The following MCEE variants were observed in gnomAD, a reference collection of about 807,000 sequenced individuals.
MCEE encodes the protein methylmalonyl-CoA epimerase.
A neutral mutation model predicts 12.9 loss-of-function variants in MCEE; 6 were observed. That is an observed-to-expected ratio of 0.47 (90% CI 0.26 to 0.92). MCEE has a LOEUF of 0.92. MCEE is among the 40% of genes least tolerant of loss of function. The pLI is 0.16. For missense variants in MCEE, 214 were observed against 212.1 expected (o/e 1.01, Z -0.05); for synonymous variants, 78 against 77.9 (o/e 1.00, Z -0.01).
At chr2:71,127,197 C>A (rs1360142130) in intron 1 of MCEE, among the ~76,000 whole-genome samples, 4 of 152,206 alleles carry the variant, frequency 2.6e-5, no homozygotes, top group Non-Finnish European at 2.9e-5. Context: ...AGTAAAAGAT[C>A]AAAATCGGAT....
At chr2:71,130,149 A>C in intron 1 of MCEE, 31 bp downstream of exon 1, 1 of 1,603,878 alleles carries the variant, frequency 6.2e-7, no homozygotes, top group South Asian at 1.1e-5. Context: ...TCCCTGTCCC[A>C]TGGCGAAGGT....
rs749875300 is a variant in MCEE, at chr2:71,124,181, C to A, written c.378+25G>T. The A allele has an allele frequency of 3.1e-5, 47 of 1,527,036 alleles. No individual in the cohort carries two copies. In the Middle Eastern group the frequency reaches 1.0e-3, roughly 33 times the overall value. The allele number at this position is 1,527,036 out of a possible 1,614,324, so 94.6% of individuals were successfully genotyped here. A position where few individuals can be genotyped will look rare whatever the true frequency, so the allele number is the denominator to read the frequency against. ...TTTTTTAAAAGAGAGATTTAAAATA[C>A]CAGGCATTAAAATAATTAAAATACC... On this transcript the variant is annotated intron_variant, in intron 2 of 2. Coordinates refer to ENST00000244217, the MANE Select transcript of MCEE (RefSeq NM_032601.4).
chr2:71,125,211 A>ATATATATATATATATATATATTTTTTT, intron 1 of MCEE, among the ~76,000 whole-genome samples: 2 of 48,592 alleles, frequency 4.1e-5, no homozygotes, highest in African/African-American at 6.0e-5. Context: ...ATATATATAT[A>ATATATATATATATATATATATTTTTTT]TTTTTTTTTT....
rs115421946 is a variant in MCEE at position 71,121,897 on chromosome 2, T to C, written c.378+2309A>G. On this transcript the variant is annotated intron_variant, in intron 2 of 2. Transcript: ENST00000244217. ...CAAATTTAAAACTCAGTTAATATAA[T>C]GAAGGCAACTGGCATCATGGGTAAG... Among the ~76,000 whole-genome samples the C allele has an allele frequency of 5.1e-3, 779 of 152,300 alleles. 4 individuals are homozygous for C. The highest frequency in any genetic ancestry group is 0.018 in the African/African-American group (752 of 41,548).
intron 2 of MCEE, among the ~76,000 whole-genome samples, chr2:71,112,517 C>G (rs1003080672): frequency 1.4e-5 from 2 of 144,468 alleles, no homozygotes; most frequent in Admixed American, 7.3e-5. Context: ...CTTACTGCAG[C>G]CTCTGCCTCC....
Position 71,130,224 on chromosome 2 carries a change from G to A in MCEE, c.-5C>T. On this transcript the variant is annotated 5_prime_UTR_variant, in exon 1 of 3. Transcript: ENST00000244217. ...AGCCTTCAGCACCCGCGCCATTTTG[G>A]AAAGCAACCCGCCACGTCAAGACTA... The A allele has an allele frequency of 1.2e-6, 2 of 1,606,994 alleles. No individual in the cohort carries two copies. Among genetic ancestry groups the A allele is most frequent in the Non-Finnish European group, 1.7e-6 (2 of 1,177,470 alleles).
Position 71,115,596 on chromosome 2 carries a change from T to C in MCEE, c.379-5474A>G, listed in dbSNP as rs900806483. Among the ~76,000 whole-genome samples the C allele has an allele frequency of 2.7e-5, 4 of 150,424 alleles. 1 individual carries two copies. The highest frequency in any genetic ancestry group is 1.0e-4 in the African/African-American group (4 of 39,788). ...AATTAAAATGTCTTAATTTTCTGAA[T>C]TGAAAGTAGATGCAATAGTTGTAAG... On this transcript the variant is annotated intron_variant, in intron 2 of 2. Transcript: ENST00000244217.
chr2:71,111,846 C>T (rs1404488479), intron 2 of MCEE, among the ~76,000 whole-genome samples: 1 of 152,164 alleles, frequency 6.6e-6, no homozygotes, highest in African/African-American at 2.4e-5. Flanking sequence ...TAGGGCTCAT[C>T]TTGTTTGTTT....
At chr2:71,113,999 A>G (rs1672943026) in intron 2 of MCEE, among the ~76,000 whole-genome samples, 1 of 152,194 alleles carries the variant, frequency 6.6e-6, no homozygotes, top group Non-Finnish European at 1.5e-5. Context: ...ATCTCAACTG[A>G]GGGACAGTTT....
intron 2 of MCEE, among the ~76,000 whole-genome samples, chr2:71,112,382 G>A (rs532300111): frequency 4.2e-5 from 6 of 144,210 alleles, no homozygotes; most frequent in South Asian, 2.2e-4. Context: ...TGATGTGCCC[G>A]CCTCTGACTC....
intron 2 of MCEE, among the ~76,000 whole-genome samples, chr2:71,119,328 T>C (rs892236627): frequency 2.7e-5 from 4 of 150,088 alleles, no homozygotes; most frequent in Non-Finnish European, 4.4e-5. Context: ...TACTGAAAAC[T>C]GTAGGCAAGT....
At chr2:71,128,834 C>T (rs1673297545) in intron 1 of MCEE, among the ~76,000 whole-genome samples, 2 of 151,212 alleles carry the variant, frequency 1.3e-5, no homozygotes, top group Admixed American at 1.3e-4. Flanking sequence ...ACTAAAAATG[C>T]AAAAAATTAG....
At chr2:71,122,367 T>G (rs1252038985) in intron 2 of MCEE, among the ~76,000 whole-genome samples, 2 of 152,212 alleles carry the variant, frequency 1.3e-5, no homozygotes, top group Non-Finnish European at 2.9e-5. Flanking sequence ...ACTCCTGGGC[T>G]CGAGCAATCT....
At chr2:71,114,716 T>G (rs1672956888) in intron 2 of MCEE, among the ~76,000 whole-genome samples, 1 of 152,222 alleles carries the variant, frequency 6.6e-6, no homozygotes. Flanking sequence ...AAAGATGATG[T>G]CACCGTGGTT....
At position 71,125,211 on chromosome 2, in the gene MCEE, A is replaced by ATATATTTTTT; in HGVS notation, c.41-669_41-668insAAAAAATATA. On this transcript the variant is annotated intron_variant, in intron 1 of 2. Coordinates refer to ENST00000244217, the MANE Select transcript of MCEE (RefSeq NM_032601.4). ...TAAATATATATATATATATATATATATTTTTTTTTTTTTTTGAGACGGAGT... is the reference window on the plus strand; with the variant it reads ...TAAATATATATATATATATATATATATATATTTTTTTTTTTTTTTTTTTTTGAGACGGAGT... Among the ~76,000 whole-genome samples, 420 of 48,550 alleles carry ATATATTTTTT rather than the reference A, an allele frequency of 8.7e-3. 6 individuals are homozygous for ATATATTTTTT. Among genetic ancestry groups the ATATATTTTTT allele is most frequent in the African/African-American group, 0.014 (230 of 16,574 alleles). The allele number at this position is 48,550 out of a possible 152,430, so 31.9% of individuals were successfully genotyped here. A position where few individuals can be genotyped will look rare whatever the true frequency, so the allele number is the denominator to read the frequency against.
chr2:71,122,596 G>A (rs1673120864), intron 2 of MCEE, among the ~76,000 whole-genome samples: 1 of 152,146 alleles, frequency 6.6e-6, no homozygotes, highest in South Asian at 2.1e-4. Flanking sequence ...GAGACAGATT[G>A]GGCAGGGAAA....
intron 2 of MCEE, among the ~76,000 whole-genome samples, chr2:71,121,469 T>C (rs1572889981): frequency 6.6e-6 from 1 of 152,086 alleles, no homozygotes; most frequent in African/African-American, 2.4e-5. Flanking sequence ...ATGATGGGGG[T>C]ATTATACTAA....
chr2:71,130,167 G>A lies in MCEE; in HGVS notation c.40+13C>T. The A allele has an allele frequency of 1.9e-6, 3 of 1,607,928 alleles. No homozygotes were observed. Among genetic ancestry groups the A allele is most frequent in the Non-Finnish European group, 1.7e-6 (2 of 1,177,920 alleles). Reference sequence around the variant, plus strand: ...CTGTCCCATGGCGAAGGTCGCCGGTGCCCGGTATTCACCTACGGCATTCGC... The same window carrying A: ...CTGTCCCATGGCGAAGGTCGCCGGTACCCGGTATTCACCTACGGCATTCGC... On this transcript the variant is annotated intron_variant, in intron 1 of 2. Transcript: ENST00000244217.
Position 71,130,188 on chromosome 2 carries a change from T to C in MCEE, c.32A>G (p.Asn11Ser). The C allele has an allele frequency of 6.2e-7, 1 of 1,608,886 alleles. No individual in the cohort carries two copies. The change falls in exon 1 of 3, where the codon AAT becomes AGT. Residue 11 changes from asparagine to serine, a missense_variant. Coordinates refer to ENST00000244217, the MANE Select transcript of MCEE (RefSeq NM_032601.4). MARVLKAAAANAVGLFSRLQA... is the reference protein window; with the variant it reads MARVLKAAAASAVGLFSRLQA... ...CGGTGCCCGGTATTCACCTACGGCA[T>C]TCGCGGCTGCAGCCTTCAGCACCCG...
Sources: allele counts gnomAD v4.1 joint callset (sites outside exome capture counted in the v4.1 genomes callset), GRCh38; gene constraint gnomAD v4.1.1; transcripts MANE v1.5; gene names NCBI Gene and HGNC (gene_info 2026-07-23, HGNC 2026-07-21).